The following PGCKA1 variants were observed in gnomAD, a reference collection of about 807,000 sequenced individuals.
PGCKA1 encodes the protein PDCD10 and GCKIII kinases-associated protein 1.
the PGCKA1 span, among the ~76,000 whole-genome samples, chr4:37,466,003 A>G: frequency 1.4e-5 from 2 of 142,314 alleles, no homozygotes; most frequent in African/African-American, 5.3e-5. Flanking sequence ...CACTAGGAAC[A>G]TTGGGAAGGG....
At chr4:37,541,627 T>C in the PGCKA1 span, among the ~76,000 whole-genome samples, 1 of 152,204 alleles carries the variant, frequency 6.6e-6, no homozygotes, top group African/African-American at 2.4e-5. Flanking sequence ...TTTTCCTGGT[T>C]CATGCATTAT....
chr4:37,523,789 A>C, the PGCKA1 span, among the ~76,000 whole-genome samples: 2 of 152,172 alleles, frequency 1.3e-5, no homozygotes, highest in South Asian at 4.1e-4. Context: ...CTGAAATCCA[A>C]GATCAGGGTG....
the PGCKA1 span, among the ~76,000 whole-genome samples, chr4:37,456,583 C>G: frequency 0.27 from 41,255 of 152,072 alleles, 5,906 homozygotes; most frequent in Middle Eastern, 0.32. Context: ...AAGTGCTGAA[C>G]TCTGTTCTGT....
chr4:37,485,403 A>G, the PGCKA1 span, among the ~76,000 whole-genome samples: 2 of 152,024 alleles, frequency 1.3e-5, no homozygotes, highest in African/African-American at 4.8e-5. Flanking sequence ...GGGATTTCTG[A>G]TAAAGGGATG....
At chr4:37,476,409 T>G in the PGCKA1 span, among the ~76,000 whole-genome samples, 3 of 152,224 alleles carry the variant, frequency 2.0e-5, no homozygotes, top group Non-Finnish European at 4.4e-5. Flanking sequence ...ATTGCTGTAA[T>G]CCAAAGCCAT....
At chr4:37,485,308 G>T in the PGCKA1 span, among the ~76,000 whole-genome samples, 2 of 152,154 alleles carry the variant, frequency 1.3e-5, no homozygotes. Context: ...TGAGAGGTGG[G>T]GCCTTTAGGA....
the PGCKA1 span, among the ~76,000 whole-genome samples, chr4:37,489,066 C>T: frequency 6.6e-6 from 1 of 152,218 alleles, no homozygotes; most frequent in South Asian, 2.1e-4. Flanking sequence ...TTGGTATACG[C>T]AGAGGTCCTG....
At chr4:37,522,061 C>T in the PGCKA1 span, among the ~76,000 whole-genome samples, 1 of 152,218 alleles carries the variant, frequency 6.6e-6, no homozygotes, top group African/African-American at 2.4e-5. Context: ...TGGGTCTCAC[C>T]CAAGGCCTAT....
chr4:37,579,645 T>G, the PGCKA1 span, among the ~76,000 whole-genome samples: 1 of 152,340 alleles, frequency 6.6e-6, no homozygotes, highest in Admixed American at 6.5e-5. Context: ...TGCTGCCAGA[T>G]GTATTGGAGC....
At chr4:37,541,060 T>C in the PGCKA1 span, among the ~76,000 whole-genome samples, 5 of 135,164 alleles carry the variant, frequency 3.7e-5, no homozygotes, top group Non-Finnish European at 5.0e-5. Context: ...CCAGGCTGGC[T>C]GAGTTCACCT....
At chr4:37,499,319 G>A in the PGCKA1 span, among the ~76,000 whole-genome samples, 1 of 152,170 alleles carries the variant, frequency 6.6e-6, no homozygotes, top group African/African-American at 2.4e-5. Flanking sequence ...TTGGTAGCAG[G>A]ATGATGCTGG....
At chr4:37,575,065 G>A in the PGCKA1 span, among the ~76,000 whole-genome samples, 2 of 152,178 alleles carry the variant, frequency 1.3e-5, no homozygotes, top group South Asian at 4.1e-4. Context: ...AAACATGGGA[G>A]TGCAGGTATC....
chr4:37,538,636 G>A, the PGCKA1 span, among the ~76,000 whole-genome samples: 4 of 152,156 alleles, frequency 2.6e-5, no homozygotes, highest in Non-Finnish European at 4.4e-5. Flanking sequence ...GGTAATAATT[G>A]CTGAACAGAC....
the PGCKA1 span, among the ~76,000 whole-genome samples, chr4:37,454,370 CCTAA>C: frequency 6.6e-6 from 1 of 152,090 alleles, no homozygotes; most frequent in South Asian, 2.1e-4. Flanking sequence ...CTTTTAAATC[CCTAA>C]CTAATGAACT....
chr4:37,472,748 A>G, the PGCKA1 span, among the ~76,000 whole-genome samples: 1 of 152,126 alleles, frequency 6.6e-6, no homozygotes, highest in African/African-American at 2.4e-5. Flanking sequence ...TGATGCTTTT[A>G]TGCTATTACA....
the PGCKA1 span, among the ~76,000 whole-genome samples, chr4:37,549,420 A>G: frequency 6.6e-6 from 1 of 152,196 alleles, no homozygotes; most frequent in African/African-American, 2.4e-5. Flanking sequence ...TCTCTCAAAA[A>G]CAACTAGCTG....
chr4:37,499,331 C>T, the PGCKA1 span, among the ~76,000 whole-genome samples: 2 of 152,144 alleles, frequency 1.3e-5, no homozygotes, highest in African/African-American at 2.4e-5. Flanking sequence ...TGATGCTGGC[C>T]TCATAGAATG....
chr4:37,537,535 GA>G, the PGCKA1 span, among the ~76,000 whole-genome samples: 83 of 152,116 alleles, frequency 5.5e-4, no homozygotes, highest in African/African-American at 1.8e-3. Context: ...ATTTGTTATA[GA>G]AAAAAAATGA....
the PGCKA1 span, among the ~76,000 whole-genome samples, chr4:37,570,877 AG>A: frequency 2.6e-5 from 4 of 152,226 alleles, no homozygotes; most frequent in Non-Finnish European, 5.9e-5. Flanking sequence ...CAAGATGGGA[AG>A]GGGGAACAAC....
Sources: gnomAD v4.1 joint callset for allele counts (sites outside exome capture counted in the v4.1 genomes callset) on GRCh38, gnomAD v4.1.1 for gene constraint, MANE v1.5 for transcripts, NCBI Gene and HGNC (gene_info 2026-07-23, HGNC 2026-07-21) for gene names.